The following GSG1L variants were observed in gnomAD, a reference collection of about 807,000 sequenced individuals.
GSG1L encodes GSG1 like, also known as germ cell-specific gene 1-like protein.
GSG1L carries 24 observed loss-of-function variants against 42.1 expected under a neutral mutation model. The observed-to-expected ratio is 0.57, with a 90% CI of 0.41 to 0.80. GSG1L has a LOEUF of 0.80. GSG1L is among the 30% of genes least tolerant of loss of function. The pLI, the probability that GSG1L is intolerant of heterozygous loss-of-function variation, is 0.00. For synonymous variants in GSG1L, 215 were observed against 203.5 expected (o/e 1.06, Z -0.48); for missense variants, 445 against 472.2 (o/e 0.94, Z 0.53).
intron 6 of GSG1L, among the ~76,000 whole-genome samples, chr16:27,799,839 T>C (rs909061475): frequency 5.3e-5 from 8 of 152,284 alleles, no homozygotes; most frequent in African/African-American, 1.9e-4. Flanking sequence ...AGTTGCTGAA[T>C]AGCCCAAGCA....
At chr16:27,872,593 C>T (rs763111664) in intron 3 of GSG1L, among the ~76,000 whole-genome samples, 3 of 152,040 alleles carry the variant, frequency 2.0e-5, no homozygotes, top group South Asian at 2.1e-4. Context: ...GTTAGGAGGT[C>T]GGCAGAAGAT....
intron 2 of GSG1L, among the ~76,000 whole-genome samples, chr16:27,899,125 G>T (rs59949249): frequency 0.072 from 10,934 of 152,244 alleles, 539 homozygotes; most frequent in African/African-American, 0.12. Flanking sequence ...CATGGGAAGC[G>T]CCCCCAGACA....
At position 27,963,630 on chromosome 16, in the gene GSG1L, T is replaced by C. The variant is rs2085095473; in HGVS notation, c.350-427A>G. ...CAGCTTGCTCCTGTTTGAAACTCTTTGATGACTTCCCAAAGGAGAAAGTTC... is the reference window on the plus strand; with the variant it reads ...CAGCTTGCTCCTGTTTGAAACTCTTCGATGACTTCCCAAAGGAGAAAGTTC... On this transcript the variant is annotated intron_variant, in intron 1 of 6. Coordinates refer to ENST00000447459, the MANE Select transcript of GSG1L (RefSeq NM_001109763.2). Among the ~76,000 whole-genome samples, 3 of 152,172 alleles carry C rather than the reference T, an allele frequency of 2.0e-5. No individual in the cohort carries two copies. In the South Asian group the frequency reaches 6.2e-4, roughly 31 times the overall value.
intron 4 of GSG1L, among the ~76,000 whole-genome samples, chr16:27,829,690 G>A (rs1369750512): frequency 6.6e-6 from 1 of 152,084 alleles, no homozygotes; most frequent in Non-Finnish European, 1.5e-5. Flanking sequence ...GGGATTATAG[G>A]TATGTGCCAC....
chr16:27,999,980 A>C (rs1387631770), intron 1 of GSG1L, among the ~76,000 whole-genome samples: 1 of 152,244 alleles, frequency 6.6e-6, no homozygotes, highest in African/African-American at 2.4e-5. Flanking sequence ...GCTACTGATA[A>C]GCATAGAGTC....
chr16:27,961,551 G>A (rs769971559), intron 2 of GSG1L, among the ~76,000 whole-genome samples: 5 of 152,236 alleles, frequency 3.3e-5, no homozygotes, highest in African/African-American at 7.2e-5. Context: ...AGGTGGGAGT[G>A]AGAATGACAG....
intron 1 of GSG1L, among the ~76,000 whole-genome samples, chr16:27,972,530 T>G (rs967398007): frequency 5.3e-5 from 8 of 152,236 alleles, no homozygotes. Context: ...TTAAGGGATT[T>G]ATTTTGGGCA....
intron 2 of GSG1L, among the ~76,000 whole-genome samples, chr16:27,890,941 C>G (rs564525844): frequency 1.3e-5 from 2 of 152,158 alleles, no homozygotes; most frequent in Non-Finnish European, 2.9e-5. Context: ...CAGACACAGC[C>G]GGTGCGGTGC....
At chr16:27,852,870 G>T (rs1031324085) in intron 3 of GSG1L, among the ~76,000 whole-genome samples, 1 of 152,060 alleles carries the variant, frequency 6.6e-6, no homozygotes, top group Non-Finnish European at 1.5e-5. Flanking sequence ...GTGAGGATGA[G>T]GATGGGCGGG....
intron 2 of GSG1L, among the ~76,000 whole-genome samples, chr16:27,929,642 C>T (rs1468981996): frequency 1.3e-5 from 2 of 152,202 alleles, no homozygotes; most frequent in African/African-American, 4.8e-5. Context: ...ATTTCAGTTA[C>T]TTGAGCCCAT....
intron 2 of GSG1L, among the ~76,000 whole-genome samples, chr16:27,917,957 A>G (rs4787436): frequency 0.25 from 37,907 of 151,856 alleles, 5,047 homozygotes; most frequent in Non-Finnish European, 0.29. Context: ...AAAATCCCTG[A>G]TTTTTAGCAA....
At chr16:28,047,631 G>GA (rs1181503860) in intron 1 of GSG1L, among the ~76,000 whole-genome samples, 2 of 151,914 alleles carry the variant, frequency 1.3e-5, no homozygotes, top group Non-Finnish European at 2.9e-5. Flanking sequence ...GAATACAAAC[G>GA]AAAGAAAGCA....
intron 2 of GSG1L, among the ~76,000 whole-genome samples, chr16:27,921,840 A>G (rs564211425): frequency 2.0e-4 from 30 of 152,114 alleles, no homozygotes; most frequent in Middle Eastern, 3.4e-3. Flanking sequence ...GTGACCCACT[A>G]TTGTTGGCAG....
Position 27,979,730 on chromosome 16 carries a change from A to G in GSG1L, c.350-16527T>C, listed in dbSNP as rs865827536. 4.3e-3 allele frequency among the ~76,000 whole-genome samples: 266 copies of G among 62,100 alleles called. 7 individuals carry two copies. Among genetic ancestry groups the G allele is most frequent in the African/African-American group, 0.013 (229 of 17,112 alleles). 40.7% of individuals were successfully genotyped at this position (62,100 alleles called of 152,430 possible). On this transcript the variant is annotated intron_variant, in intron 1 of 6. Coordinates refer to ENST00000447459, the MANE Select transcript of GSG1L (RefSeq NM_001109763.2). ...AGGAAGGAAGGAAGGAAGGAAGGAA[A>G]GAAAAAGAAAGAAAGAAAGGAAAGA...
chr16:27,961,680 G>T (rs547210700), intron 2 of GSG1L, among the ~76,000 whole-genome samples: 2 of 152,328 alleles, frequency 1.3e-5, no homozygotes, highest in Non-Finnish European at 2.9e-5. Flanking sequence ...TCATATTATT[G>T]TGTTTCCCAG....
chr16:27,860,136 G>C (rs1368682848), intron 3 of GSG1L, among the ~76,000 whole-genome samples: 1 of 152,212 alleles, frequency 6.6e-6, no homozygotes, highest in Non-Finnish European at 1.5e-5. Context: ...AAACAGGCAA[G>C]AGAGGGGGAG....
At chr16:27,807,973 G>A (rs986571931) in intron 5 of GSG1L, among the ~76,000 whole-genome samples, 1 of 152,192 alleles carries the variant, frequency 6.6e-6, no homozygotes, top group Non-Finnish European at 1.5e-5. Flanking sequence ...AAAAGTTAAC[G>A]GTGATTATCC....
At chr16:27,882,755 G>T (rs2083975281) in intron 3 of GSG1L, among the ~76,000 whole-genome samples, 1 of 152,148 alleles carries the variant, frequency 6.6e-6, no homozygotes, top group African/African-American at 2.4e-5. Context: ...AACACACCCA[G>T]TCCATAGAGG....
At chr16:27,905,113 T>G (rs1596601781) in intron 2 of GSG1L, among the ~76,000 whole-genome samples, 2 of 152,338 alleles carry the variant, frequency 1.3e-5, no homozygotes, top group East Asian at 3.9e-4. Context: ...AACCCAATCA[T>G]GATTGAGTCC....
Sources: allele counts gnomAD v4.1 joint callset (sites outside exome capture counted in the v4.1 genomes callset), GRCh38; gene constraint gnomAD v4.1.1; transcripts MANE v1.5; gene names NCBI Gene and HGNC (gene_info 2026-07-23, HGNC 2026-07-21).